BAHCC1: variants seen among roughly 807,000 people sequenced by gnomAD.
BAHCC1 encodes the protein BAH domain and coiled-coil containing 1.
Under a neutral mutation model 88.2 loss-of-function variants are expected in BAHCC1, and 43 were observed. The observed-to-expected ratio is 0.49, with a 90% CI of 0.38 to 0.63. BAHCC1 has a LOEUF of 0.63. Ranked by LOEUF, BAHCC1 falls within the 20% of genes least tolerant of loss-of-function variation. BAHCC1 has a pLI of 0.00. For missense variants in BAHCC1, 3,023 were observed against 1,654.8 expected (o/e 1.83, Z -14.34); for synonymous variants, 1,510 against 745.5 (o/e 2.03, Z -16.71).
intron 2 of BAHCC1, among the ~76,000 whole-genome samples, chr17:81,418,778 T>TGA (rs1648348918): frequency 9.2e-6 from 1 of 108,966 alleles, no homozygotes; most frequent in Admixed American, 8.5e-5. Context: ...TGTGTGTACG[T>TGA]GTGTGTGTAC....
rs551463530 is a variant in BAHCC1, at chr17:81,434,365, C to T, written c.359-4005C>T. On this transcript the variant is annotated intron_variant, in intron 3 of 27. Coordinates refer to ENST00000675386, the MANE Select transcript of BAHCC1 (RefSeq NM_001377448.1). This position sits in a 1 kb window ranked among gnomAD's most constrained non-coding sequence, Gnocchi z 4.9. ...AGTGGGAGACAGGTCGAGGCTCAGCCGTGGGAGGCCAGCGTGGCAGACCTT... is the reference window on the plus strand; with the variant it reads ...AGTGGGAGACAGGTCGAGGCTCAGCTGTGGGAGGCCAGCGTGGCAGACCTT... Among the ~76,000 whole-genome samples the T allele has an allele frequency of 1.6e-4, 25 of 152,286 alleles. No homozygotes were observed. Among genetic ancestry groups the T allele is most frequent in the African/African-American group, 5.5e-4 (23 of 41,566 alleles).
intron 10 of BAHCC1, among the ~76,000 whole-genome samples, chr17:81,446,306 G>A (rs2064525957): frequency 6.6e-6 from 1 of 151,816 alleles, no homozygotes; most frequent in Admixed American, 6.6e-5. Context: ...GCAGTTAATG[G>A]GACATGATGC....
rs781946548 is a variant in BAHCC1 at position 81,459,134 on chromosome 17, G to A, written c.5686G>A (p.Ala1896Thr). The A allele has an allele frequency of 1.8e-5, 14 of 770,730 alleles. No homozygotes were observed. The highest frequency in any genetic ancestry group is 2.9e-5 in the Non-Finnish European group (12 of 413,852). 47.7% of individuals were successfully genotyped at this position (770,730 alleles called of 1,614,324 possible). Residue 1896 changes from alanine to threonine, a missense_variant, in exon 21 of 28, where the codon GCG (alanine) becomes ACG (threonine). By Grantham distance (58) the Ala-to-Thr change is moderately conservative (BLOSUM62 0). Coordinates refer to ENST00000675386, the MANE Select transcript of BAHCC1 (RefSeq NM_001377448.1). ...CCCCAAGGAGGATAGCCTGCTGTAC[G>A]CGGGCAGCGTCAGGACCCTGCAGCC... ...LIPKEDSLLY[A>T]GSVRTLQPPD...
chr17:81,397,883 A>G (rs1422458445), intron 1 of BAHCC1, among the ~76,000 whole-genome samples: 2 of 152,260 alleles, frequency 1.3e-5, no homozygotes, highest in East Asian at 1.9e-4. Context: ...AAGCTCTCCG[A>G]ATAAATATTA....
chr17:81,446,837 G>A (rs1177968637), intron 10 of BAHCC1, 199 bp from the exon 11 acceptor site: 6 of 677,186 alleles, frequency 8.9e-6, no homozygotes, highest in Non-Finnish European at 1.6e-5. Flanking sequence ...ACAGGTGTGA[G>A]CTACTGCACC....
At position 81,463,948 on chromosome 17, in the gene BAHCC1, C is replaced by T; in HGVS notation, c.*131C>T. Reference sequence around the variant, plus strand: ...ATCTGAGCAAATATGCAAAAGCCCACAGGGCAAGACCCAGGCTTTCTTACG... The same window carrying T: ...ATCTGAGCAAATATGCAAAAGCCCATAGGGCAAGACCCAGGCTTTCTTACG... On this transcript the variant is annotated 3_prime_UTR_variant, in exon 28 of 28. Transcript: ENST00000675386. 1.6e-6 allele frequency: 1 copy of T among 628,928 alleles called. No homozygotes were observed. The highest frequency in any genetic ancestry group is 2.5e-5 in the Admixed American group (1 of 39,402). 39.0% of individuals were successfully genotyped at this position (628,928 alleles called of 1,614,324 possible). A position where few individuals can be genotyped will look rare whatever the true frequency, so the allele number is the denominator to read the frequency against.
Position 81,399,150 on chromosome 17 carries a change from TGTGC to T in BAHCC1, c.-206-382_-206-379del, listed in dbSNP as rs1555645422. 7.9e-6 allele frequency: 3 copies of T among 380,694 alleles called. No homozygotes were observed. The highest frequency in any genetic ancestry group is 1.6e-5 in the Non-Finnish European group (3 of 188,868). 23.6% of individuals were successfully genotyped at this position (380,694 alleles called of 1,614,324 possible). The stretch of plus-strand genomic sequence containing the variant: ...GTGAGTGTGTGTGTGTGTGTGTGTG[TGTGC>T]GAGTGTGCGTGATGGCTTCGCAGAT... On this transcript the variant is annotated intron_variant, in intron 1 of 27. Transcript: ENST00000675386. The surrounding 1 kb of genome is among the most constrained non-coding windows in gnomAD (Gnocchi z 4.5).
intron 3 of BAHCC1, among the ~76,000 whole-genome samples, chr17:81,431,321 C>T (rs1048168939): frequency 1.3e-5 from 2 of 149,200 alleles, no homozygotes; most frequent in Non-Finnish European, 1.5e-5. Flanking sequence ...CCTGGCAGTT[C>T]CCAACCCCCA....
chr17:81,456,828 C>G (rs1332829407), intron 16 of BAHCC1, among the ~76,000 whole-genome samples: 1 of 152,040 alleles, frequency 6.6e-6, no homozygotes, highest in African/African-American at 2.4e-5. Flanking sequence ...ATGTCAGGGC[C>G]GAAGGGGAAG....
At position 81,442,340 on chromosome 17, in the gene BAHCC1, G is replaced by A. The variant is rs200635626; in HGVS notation, c.991G>A (p.Gly331Arg). Reference protein sequence around the residue: ...AKEAAGPPEPGPAFSECLERR... With the variant: ...AKEAAGPPEPRPAFSECLERR... ...GGAGGCAGCAGGCCCCCCGGAGCCC[G>A]GGCCGGCCTTCAGCGAGTGCCTGGA... Residue 331 changes from glycine (G) to arginine (R), a missense_variant, in exon 5 of 28, where the codon GGG becomes AGG. Physicochemically the swap from Gly to Arg is moderately radical, Grantham distance 125 (BLOSUM62 -2). Coordinates refer to ENST00000675386, the MANE Select transcript of BAHCC1 (RefSeq NM_001377448.1). The A allele has an allele frequency of 6.9e-3, 4,751 of 693,278 alleles. 29 individuals carry two copies. The highest frequency in any genetic ancestry group is 0.012 in the South Asian group (794 of 65,614). The allele number at this position is 693,278 out of a possible 1,614,324, so 42.9% of individuals were successfully genotyped here.
chr17:81,414,429 G>A (rs1555648299), intron 2 of BAHCC1, among the ~76,000 whole-genome samples: 1 of 152,170 alleles, frequency 6.6e-6, no homozygotes, highest in Non-Finnish European at 1.5e-5. Context: ...GGGTGCTGAG[G>A]GCACTAGGAG....
chr17:81,457,280 C>A, intron 16 of BAHCC1, 130 bp from the exon 17 acceptor site: 1 of 640,932 alleles, frequency 1.6e-6, no homozygotes. Context: ...CACAGAGCGG[C>A]CCAGAGGGTG....
intron 2 of BAHCC1, among the ~76,000 whole-genome samples, chr17:81,404,515 C>T (rs1555646568): frequency 5.3e-5 from 8 of 152,164 alleles, no homozygotes; most frequent in Non-Finnish European, 1.2e-4. Context: ...CCCTGAGAAG[C>T]AGGGCCTGGG....
chr17:81,454,093 G>T (rs962662252), intron 14 of BAHCC1, among the ~76,000 whole-genome samples: 1 of 152,246 alleles, frequency 6.6e-6, no homozygotes, highest in Non-Finnish European at 1.5e-5. Flanking sequence ...GGGCAGGTGG[G>T]GGTTGAAAGG....
At chr17:81,396,040 G>T (rs1047015206) in intron 1 of BAHCC1, 13 of 152,252 alleles carry the variant, frequency 8.5e-5, no homozygotes, top group Admixed American at 2.0e-4. Flanking sequence ...CGAAGTCCGG[G>T]CGCCGCCAGC....
chr17:81,439,676 A>G (rs1353646392), intron 4 of BAHCC1, among the ~76,000 whole-genome samples: 1 of 151,756 alleles, frequency 6.6e-6, no homozygotes, highest in Admixed American at 6.5e-5. Flanking sequence ...CCGGGAGCCC[A>G]GGAGCCCTGG....
At chr17:81,460,728 A>G (rs1555658985) in intron 25 of BAHCC1, 22 bp downstream of exon 25, 1 of 776,164 alleles carries the variant, frequency 1.3e-6, no homozygotes, top group South Asian at 1.3e-5. Flanking sequence ...GACTTCCCAG[A>G]ATCCGGATCG....
intron 2 of BAHCC1, chr17:81,422,690 C>T (rs1296659021): frequency 5.6e-6 from 2 of 356,170 alleles, no homozygotes; most frequent in South Asian, 2.1e-5. Flanking sequence ...GTCCTGCCCC[C>T]ACCTGATGTG....
At chr17:81,448,023 G>A (rs181935605) in intron 11 of BAHCC1, among the ~76,000 whole-genome samples, 175 bp downstream of exon 11, 19 of 152,330 alleles carry the variant, frequency 1.2e-4, no homozygotes, top group African/African-American at 3.6e-4. Context: ...ATGGAAGTCC[G>A]AGGCAGGTGT....
Sources: allele counts gnomAD v4.1 joint callset (sites outside exome capture counted in the v4.1 genomes callset), GRCh38; gene constraint gnomAD v4.1.1; non-coding constraint Gnocchi (gnomAD v3.1); transcripts MANE v1.5; gene names NCBI Gene and HGNC (gene_info 2026-07-23, HGNC 2026-07-21).